Variants in SMIM7 observed in about 807,000 individuals in gnomAD.
The protein encoded by SMIM7 is small integral membrane protein 7, also known as UPF0608 protein C19orf42.
In SMIM7, 12 loss-of-function variants were observed where a neutral mutation model predicts 13.3. That is an observed-to-expected ratio of 0.90 (90% CI 0.58 to 1.46). SMIM7 has a LOEUF of 1.46. SMIM7 is among the 40% of genes most tolerant of loss of function. The pLI is 0.00. For missense variants in SMIM7, 114 were observed against 94.8 expected (o/e 1.20, Z -0.84); for synonymous variants, 36 against 35.8 (o/e 1.01, Z -0.02).
intron 3 of SMIM7, among the ~76,000 whole-genome samples, chr19:16,657,477 G>A (rs1209256024): frequency 6.6e-6 from 1 of 152,142 alleles, no homozygotes; most frequent in Non-Finnish European, 1.5e-5. Context: ...ATGGATAGAC[G>A]GACAGATGGT....
At chr19:16,659,686 G>A (rs2086647079) in intron 2 of SMIM7, 1 of 646,732 alleles carries the variant, frequency 1.5e-6, no homozygotes, top group African/African-American at 1.8e-5. Context: ...CAGGGCGGAA[G>A]GTCCGCGGTG....
chr19:16,643,024 G>A (rs547764634), downstream of SMIM7, among the ~76,000 whole-genome samples: 23 of 151,796 alleles, frequency 1.5e-4, no homozygotes, highest in South Asian at 1.0e-3. Flanking sequence ...GGGTTTCATC[G>A]AACTCCTGAC....
exon 5 of SMIM7, chr19:16,631,315 G>A (rs1250770019): frequency 1.3e-5 from 2 of 152,104 alleles, no homozygotes; most frequent in African/African-American, 4.8e-5. Flanking sequence ...GAACCTGGGA[G>A]GCAGAGGTTG....
downstream of SMIM7, among the ~76,000 whole-genome samples, chr19:16,642,359 A>T (rs1318025496): frequency 6.6e-6 from 1 of 152,036 alleles, no homozygotes; most frequent in Non-Finnish European, 1.5e-5. Context: ...GAAGTTTGAG[A>T]CCAGCCTGGC....
intron 3 of SMIM7, among the ~76,000 whole-genome samples, chr19:16,656,479 G>C (rs898721341): frequency 6.6e-6 from 1 of 152,150 alleles, no homozygotes; most frequent in Non-Finnish European, 1.5e-5. Flanking sequence ...ACAAGCATAT[G>C]GGGAGGAGAA....
downstream of SMIM7, among the ~76,000 whole-genome samples, chr19:16,642,269 A>G (rs60032470): frequency 0.052 from 7,888 of 152,254 alleles, 561 homozygotes; most frequent in African/African-American, 0.16. Context: ...ATTAAGAATC[A>G]TATTGTGATT....
chr19:16,657,583 A>C (rs2086612576), intron 3 of SMIM7, among the ~76,000 whole-genome samples: 1 of 152,236 alleles, frequency 6.6e-6, no homozygotes, highest in Admixed American at 6.5e-5. Flanking sequence ...AAGTTGAGCC[A>C]CATCTCTGAC....
chr19:16,654,318 T>A (rs1052055075), intron 3 of SMIM7, among the ~76,000 whole-genome samples, 193 bp from the exon 4 acceptor site: 1 of 151,872 alleles, frequency 6.6e-6, no homozygotes, highest in Non-Finnish European at 1.5e-5. Context: ...ACCAATCCCC[T>A]GAAAGCACCA....
At position 16,658,485 on chromosome 19, in the gene SMIM7, G is replaced by A. The variant is rs549567155; in HGVS notation, c.121+910C>T. 6.6e-5 allele frequency among the ~76,000 whole-genome samples: 10 copies of A among 152,294 alleles called. No individual in the cohort carries two copies. In the East Asian group the frequency reaches 1.9e-3, roughly 29 times the overall value. On this transcript the variant is annotated intron_variant, in intron 3 of 4. Coordinates refer to ENST00000487416, the MANE Select transcript of SMIM7 (RefSeq NM_024104.4). ...CCAGGCAGATGATAGACATATGAAG[G>A]GGTTAGGGCTGGGATGAGGCAGAGT...
At chr19:16,645,536 G>A (rs2086440420), downstream of SMIM7, 1 of 152,126 alleles carries the variant, frequency 6.6e-6, no homozygotes, top group Non-Finnish European at 1.5e-5. Context: ...TGATCAAGGA[G>A]AATTCCACAA....
chr19:16,650,203 G>C (rs1036054870), intron 4 of SMIM7, among the ~76,000 whole-genome samples: 3 of 152,108 alleles, frequency 2.0e-5, no homozygotes, highest in Admixed American at 6.6e-5. Context: ...GAGTTGTGTT[G>C]AAACACACTG....
intron 3 of SMIM7, among the ~76,000 whole-genome samples, chr19:16,657,367 A>G (rs56785246): frequency 0.014 from 2,108 of 151,950 alleles, 34 homozygotes; most frequent in African/African-American, 0.032. Flanking sequence ...TGGAGCTCTG[A>G]TTCGGATCTG....
intron 2 of SMIM7, 98 bp from the exon 3 acceptor site, chr19:16,659,545 C>T: frequency 1.6e-6 from 2 of 1,251,742 alleles, no homozygotes; most frequent in Non-Finnish European, 2.3e-6. Context: ...AAGTTTCAGC[C>T]CTGGCCCTGC....
chr19:16,658,772 A>G (rs2086628666), intron 3 of SMIM7, among the ~76,000 whole-genome samples: 1 of 152,140 alleles, frequency 6.6e-6, no homozygotes, highest in Admixed American at 6.6e-5. Context: ...TACGGCAAGA[A>G]CAAAGGATGG....
chr19:16,647,361 G>T, intron 4 of SMIM7, 100 bp from the exon 5 acceptor site: 3 of 1,398,954 alleles, frequency 2.1e-6, no homozygotes, highest in South Asian at 1.2e-5. Flanking sequence ...CTATTACTTA[G>T]ATGATTTTAC....
Position 16,648,656 on chromosome 19 carries a change from C to A in SMIM7, c.213-1395G>T, listed in dbSNP as rs184082654. Among the ~76,000 whole-genome samples, 7 of 152,132 alleles carry A rather than the reference C, an allele frequency of 4.6e-5. No homozygotes were observed. In the East Asian group the frequency reaches 1.4e-3, roughly 29 times the overall value. ...TCCTCAAAGGAGGTGGACAAATGGC[C>A]AATAGGTACATGAAAATATGTTCAA... On this transcript the variant is annotated intron_variant, in intron 4 of 4. Transcript: ENST00000487416.
At chr19:16,655,514 C>G in intron 3 of SMIM7, 1 of 427,104 alleles carries the variant, frequency 2.3e-6, no homozygotes, top group Non-Finnish European at 4.7e-6. Context: ...AACCACGTCT[C>G]TACTAAAAAT....
rs551257248 is a variant in SMIM7, at chr19:16,647,101, C to T, written c.*145G>A. ...GGCTGGGAAACCATGCACACCTCGG[C>T]GAACACTTTTCCACCCACCACGAGC... On this transcript the variant is annotated 3_prime_UTR_variant, in exon 5 of 5. Transcript: ENST00000487416. 32 of 1,027,776 alleles carry T rather than the reference C, an allele frequency of 3.1e-5. No individual in the cohort carries two copies. In the South Asian group the frequency reaches 3.3e-4, roughly 11 times the overall value. 63.7% of individuals were successfully genotyped at this position (1,027,776 alleles called of 1,614,324 possible). A position where few individuals can be genotyped will look rare whatever the true frequency, so the allele number is the denominator to read the frequency against.
intron 3 of SMIM7, 32 bp from the exon 4 acceptor site, chr19:16,654,157 A>T (rs755492905): frequency 6.3e-7 from 1 of 1,579,604 alleles, no homozygotes; most frequent in East Asian, 2.2e-5. Context: ...TTTATGGCAC[A>T]GCTAACATCC....
Sources: gnomAD v4.1 joint callset for allele counts (sites outside exome capture counted in the v4.1 genomes callset) on GRCh38, gnomAD v4.1.1 for gene constraint, MANE v1.5 for transcripts, NCBI Gene and HGNC (gene_info 2026-07-23, HGNC 2026-07-21) for gene names.